Variants in IL16 observed in about 807,000 individuals in gnomAD.
IL16 encodes pro-interleukin-16.
Under a neutral mutation model 110.1 loss-of-function variants are expected in IL16, and 67 were observed. The ratio of observed to expected loss-of-function variants is 0.61; its 90% CI spans 0.50 to 0.75. The LOEUF (loss-of-function observed/expected upper bound fraction) is 0.75, where lower values mean the gene tolerates loss of function less well. IL16 is among the 30% of genes least tolerant of loss of function. The pLI is 0.00. For missense variants in IL16, 1,545 were observed against 1,655.0 expected (o/e 0.93, Z 1.15); for synonymous variants, 689 against 662.9 (o/e 1.04, Z -0.61).
chr15:81,283,958 G>A (rs952003690), intron 9 of IL16, among the ~76,000 whole-genome samples: 38 of 143,038 alleles, frequency 2.7e-4, no homozygotes, highest in Middle Eastern at 7.9e-3. Flanking sequence ...AGCCAAGATC[G>A]CACCATTGCA....
chr15:81,287,276 C>A (rs1281996722), intron 10 of IL16, among the ~76,000 whole-genome samples: 1 of 152,086 alleles, frequency 6.6e-6, no homozygotes, highest in Non-Finnish European at 1.5e-5. Flanking sequence ...GAAAAGGTAG[C>A]AGGCTTGGGA....
At chr15:81,275,363 G>GGGGGAGGGGAGGGGAGGGGA (rs1165574007) in intron 6 of IL16, among the ~76,000 whole-genome samples, 1 of 94,578 alleles carries the variant, frequency 1.1e-5, no homozygotes, top group African/African-American at 4.9e-5. Flanking sequence ...GGGAGGAGGG[G>GGGGGAGGGGAGGGGAGGGGA]GGGGAGGGGA....
chr15:81,239,194 T>G lies in IL16; in HGVS notation c.312+13483T>G, dbSNP rs552795154. Among the ~76,000 whole-genome samples, 18 of 152,322 alleles carry G rather than the reference T, an allele frequency of 1.2e-4. 1 individual carries two copies. In the South Asian group the frequency reaches 1.5e-3, roughly 12 times the overall value. The stretch of plus-strand genomic sequence containing the variant: ...CATTATAAGTGACTCAATTGTATCT[T>G]GGACATTTTGATTATTATGTGAGAA... On this transcript the variant is annotated intron_variant, in intron 2 of 18. Coordinates refer to ENST00000683961, the MANE Select transcript of IL16 (RefSeq NM_172217.5).
At chr15:81,269,445 C>A in intron 4 of IL16, 93 bp from the exon 5 acceptor site, 2 of 824,616 alleles carry the variant, frequency 2.4e-6, no homozygotes, top group Non-Finnish European at 4.2e-6. Context: ...GGACTTGGTT[C>A]CTCTCTTTGG....
At chr15:81,211,112 T>C (rs1288320020) in intron 1 of IL16, among the ~76,000 whole-genome samples, 1 of 152,172 alleles carries the variant, frequency 6.6e-6, no homozygotes, top group African/African-American at 2.4e-5. Flanking sequence ...CAGGCTGGAG[T>C]GCATTGGTGC....
chr15:81,200,424 C>A (rs1171051807), intron 1 of IL16, among the ~76,000 whole-genome samples: 1 of 152,026 alleles, frequency 6.6e-6, no homozygotes, highest in African/African-American at 2.4e-5. Context: ...GGCTGGAGTT[C>A]AGCAGTGCAA....
intron 6 of IL16, among the ~76,000 whole-genome samples, chr15:81,276,163 A>G (rs942476380): frequency 5.3e-5 from 8 of 152,256 alleles, no homozygotes; most frequent in Non-Finnish European, 7.3e-5. Context: ...TCTCACAATG[A>G]CAAGGACTGG....
chr15:81,290,829 C>G (rs1033200115), intron 11 of IL16, among the ~76,000 whole-genome samples: 1 of 152,200 alleles, frequency 6.6e-6, no homozygotes, highest in Non-Finnish European at 1.5e-5. Flanking sequence ...TATCCTGTAC[C>G]AAGTTGCCAT....
At chr15:81,278,299 C>G (rs2142284738) in intron 6 of IL16, among the ~76,000 whole-genome samples, 1 of 152,198 alleles carries the variant, frequency 6.6e-6, no homozygotes, top group South Asian at 2.1e-4. Flanking sequence ...GATCACCACC[C>G]AGGGTGACAA....
intron 1 of IL16, among the ~76,000 whole-genome samples, chr15:81,183,494 C>G (rs574703641): frequency 6.6e-6 from 1 of 152,330 alleles, no homozygotes; most frequent in South Asian, 2.1e-4. Flanking sequence ...GAAACATAAA[C>G]AGGCATCAGG....
At chr15:81,232,691 T>G (rs560599866) in intron 2 of IL16, among the ~76,000 whole-genome samples, 1 of 152,342 alleles carries the variant, frequency 6.6e-6, no homozygotes, top group South Asian at 2.1e-4. Flanking sequence ...GAAACAACTT[T>G]GTCTTCCTGG....
rs1046825611 is a variant in IL16, at chr15:81,300,174, G to C, written c.2848G>C (p.Glu950Gln). The C allele has an allele frequency of 3.1e-6, 5 of 1,614,146 alleles. No individual in the cohort carries two copies. The highest frequency in any genetic ancestry group is 3.4e-6 in the Non-Finnish European group (4 of 1,180,028). ...PLLRLLSTQAEESQGPVLKMP... is the reference protein window; with the variant it reads ...PLLRLLSTQAQESQGPVLKMP... The stretch of plus-strand genomic sequence containing the variant: ...CCTAAGGCTGCTGTCAACACAGGCT[G>C]AGGAATCTCAAGGCCCAGTGCTCAA... The change falls in exon 14 of 19, where the codon GAG (glutamate) becomes CAG (glutamine). Residue 950 changes from glutamate (E) to glutamine (Q), a missense_variant. Glu to Gln is a conservative substitution (Grantham distance 29). This residue lies in a region of IL16 where 1,185 missense variants were observed against 1,238.8 expected (regional missense o/e 0.96). Transcript: ENST00000683961.
intron 4 of IL16, among the ~76,000 whole-genome samples, chr15:81,268,321 G>A (rs190075835): frequency 9.0e-4 from 84 of 93,094 alleles, no homozygotes; most frequent in African/African-American, 5.2e-3. Flanking sequence ...GGCATGAGGC[G>A]ATGTGTTTTA....
intron 1 of IL16, among the ~76,000 whole-genome samples, chr15:81,185,191 A>G (rs1895400919): frequency 6.6e-6 from 1 of 152,134 alleles, no homozygotes; most frequent in Non-Finnish European, 1.5e-5. Flanking sequence ...ACACACTGCC[A>G]TATGTCTTTG....
At chr15:81,274,357 A>G (rs1898798832) in intron 6 of IL16, among the ~76,000 whole-genome samples, 1 of 152,230 alleles carries the variant, frequency 6.6e-6, no homozygotes, top group Admixed American at 6.5e-5. Context: ...AAATTTTAGT[A>G]TCCATAAAAA....
intron 1 of IL16, among the ~76,000 whole-genome samples, chr15:81,189,819 A>C (rs1181332670): frequency 1.3e-5 from 2 of 152,216 alleles, no homozygotes; most frequent in Non-Finnish European, 2.9e-5. Context: ...GGGATTTAAA[A>C]TTTTTACTTA....
intron 9 of IL16, 81 bp downstream of exon 9, chr15:81,282,837 T>C: frequency 2.8e-6 from 3 of 1,074,992 alleles, no homozygotes; most frequent in Non-Finnish European, 4.3e-6. Context: ...GGAGATTGAT[T>C]TGGACATGAG....
intron 6 of IL16, among the ~76,000 whole-genome samples, chr15:81,275,389 G>A (rs1413014703): frequency 9.0e-6 from 1 of 111,208 alleles, no homozygotes; most frequent in African/African-American, 3.6e-5. Flanking sequence ...GGGGAGGGGA[G>A]GGGAGGGGAG....
At chr15:81,241,186 A>G (rs1897324872) in intron 2 of IL16, among the ~76,000 whole-genome samples, 2 of 152,046 alleles carry the variant, frequency 1.3e-5, no homozygotes, top group Non-Finnish European at 2.9e-5. Context: ...CCAATAAGCC[A>G]TTGTCTTAAT....
Sources: allele counts gnomAD v4.1 joint callset (sites outside exome capture counted in the v4.1 genomes callset), GRCh38; gene constraint gnomAD v4.1.1; regional missense constraint gnomAD v4.1.1; transcripts MANE v1.5; gene names NCBI Gene and HGNC (gene_info 2026-07-23, HGNC 2026-07-21).